PSPC1: variants seen among roughly 807,000 people sequenced by gnomAD.
The protein encoded by PSPC1 is paraspeckle protein 1.
In PSPC1, 14 loss-of-function variants were observed where a neutral mutation model predicts 51.6. The observed-to-expected ratio is 0.27, with a 90% CI of 0.18 to 0.42. The LOEUF (loss-of-function observed/expected upper bound fraction) is 0.42. Among genes scored for constraint, PSPC1 ranks in the 10% least tolerant of loss-of-function variants. The probability of loss-of-function intolerance (pLI) is 1.00; values close to 1 mark genes in which losing one functional copy is unlikely to be tolerated. For synonymous variants in PSPC1, 193 were observed against 231.9 expected (o/e 0.83, Z 1.53); for missense variants, 406 against 701.1 (o/e 0.58, Z 4.75).
chr13:19,742,459 C>T (rs1353488751), intron 4 of PSPC1, among the ~76,000 whole-genome samples: 1 of 151,634 alleles, frequency 6.6e-6, no homozygotes, highest in Non-Finnish European at 1.5e-5. Context: ...AAAATCAGGG[C>T]CAGGTGTGGT....
chr13:19,746,401 CTAAA>C (rs1885986606), intron 4 of PSPC1, among the ~76,000 whole-genome samples: 3 of 151,296 alleles, frequency 2.0e-5, no homozygotes, highest in Non-Finnish European at 1.5e-5. Context: ...GACTCCGTCT[CTAAA>C]TAAATAAATA....
intron 6 of PSPC1, among the ~76,000 whole-genome samples, chr13:19,687,217 T>C (rs1001199234): frequency 6.6e-6 from 1 of 150,548 alleles, no homozygotes; most frequent in African/African-American, 2.4e-5. Flanking sequence ...TTAAAATTAA[T>C]ATTAAAAAAT....
intron 5 of PSPC1, among the ~76,000 whole-genome samples, chr13:19,731,737 G>A (rs1884148453): frequency 6.6e-6 from 1 of 152,032 alleles, no homozygotes; most frequent in Non-Finnish European, 1.5e-5. Flanking sequence ...TAGCCAACAT[G>A]ATGTTTAAAA....
chr13:19,725,781 C>T (rs1883301772), intron 6 of PSPC1, among the ~76,000 whole-genome samples: 1 of 152,156 alleles, frequency 6.6e-6, no homozygotes, highest in Non-Finnish European at 1.5e-5. Context: ...CACATATAGT[C>T]TGAAAGCCCA....
rs116889727 is a variant in PSPC1, at chr13:19,687,858, C to T, written c.1159-10035G>A. Among the ~76,000 whole-genome samples, 688 of 152,066 alleles carry T rather than the reference C, an allele frequency of 4.5e-3. 5 individuals carry two copies. Among genetic ancestry groups the T allele is most frequent in the South Asian group, 0.026 (123 of 4,798 alleles). ...CATTCTCTTGCCAAAAATCTCCTAA[C>T]GATTTTTGGAGATTTTTTCAATGGG... On this transcript the variant is annotated intron_variant and NMD_transcript_variant, in intron 6 of 7. Transcript: ENST00000471658.
chr13:19,698,988 G>A (rs1420851549), downstream of PSPC1, among the ~76,000 whole-genome samples: 2 of 151,712 alleles, frequency 1.3e-5, no homozygotes, highest in Admixed American at 1.3e-4. Context: ...TTTCAACAAA[G>A]AGGAACCCTT....
chr13:19,777,303 G>A (rs756078917), intron 1 of PSPC1, among the ~76,000 whole-genome samples: 9 of 150,110 alleles, frequency 6.0e-5, no homozygotes, highest in South Asian at 2.1e-4. Context: ...GAAGGCGGGC[G>A]CCTGTAATTC....
intron 3 of PSPC1, among the ~76,000 whole-genome samples, chr13:19,756,658 C>T (rs191689369): frequency 6.6e-6 from 1 of 151,980 alleles, no homozygotes; most frequent in African/African-American, 2.4e-5. Context: ...TGCCACCACA[C>T]CCGGCTGATT....
intron 5 of PSPC1, among the ~76,000 whole-genome samples, chr13:19,732,070 C>G (rs1884184650): frequency 6.6e-6 from 1 of 152,054 alleles, no homozygotes; most frequent in African/African-American, 2.4e-5. Context: ...AATCTGAGTC[C>G]ACTAATTCAA....
intron 2 of PSPC1, among the ~76,000 whole-genome samples, chr13:19,764,065 C>A (rs1248354772): frequency 1.3e-5 from 2 of 152,046 alleles, no homozygotes; most frequent in East Asian, 3.9e-4. Flanking sequence ...TTTCAGTGTT[C>A]TTTCAGGCTT....
chr13:19,753,866 G>A (rs1401025244), intron 3 of PSPC1, among the ~76,000 whole-genome samples: 1 of 152,024 alleles, frequency 6.6e-6, no homozygotes, highest in African/African-American at 2.4e-5. Context: ...TTAAAGCACT[G>A]ACTGGAAAGT....
downstream of PSPC1, chr13:19,674,745 C>CA (rs1306361527): frequency 1.3e-5 from 2 of 152,170 alleles, no homozygotes; most frequent in South Asian, 2.1e-4. Flanking sequence ...CACAAAATGA[C>CA]AAAGGCTAAA....
chr13:19,680,239 T>C (rs1341574673), intron 6 of PSPC1, among the ~76,000 whole-genome samples: 1 of 152,194 alleles, frequency 6.6e-6, no homozygotes, highest in African/African-American at 2.4e-5. Flanking sequence ...GCTCTCGAAC[T>C]CCTGACCCCA....
intron 5 of PSPC1, among the ~76,000 whole-genome samples, chr13:19,736,629 G>A (rs1884857034): frequency 6.6e-6 from 1 of 152,110 alleles, no homozygotes; most frequent in South Asian, 2.1e-4. Context: ...CTTGCAGTGA[G>A]CCGAGATCGC....
intron 6 of PSPC1, among the ~76,000 whole-genome samples, chr13:19,728,220 C>G (rs1883592244): frequency 1.3e-5 from 2 of 151,916 alleles, no homozygotes; most frequent in Non-Finnish European, 2.9e-5. Flanking sequence ...ATATGTAAAT[C>G]AATATTTATT....
chr13:19,780,148 C>A (rs1593799034), intron 1 of PSPC1, among the ~76,000 whole-genome samples: 1 of 62,162 alleles, frequency 1.6e-5, no homozygotes, highest in Non-Finnish European at 4.4e-5. Context: ...GGGGGATCAG[C>A]CCCCCGCCCG....
intron 6 of PSPC1, among the ~76,000 whole-genome samples, chr13:19,719,577 C>T (rs9551988): frequency 0.12 from 18,188 of 152,192 alleles, 1,218 homozygotes; most frequent in Middle Eastern, 0.16. Context: ...AGTAGGGAAA[C>T]TTACTGTGTT....
intron 6 of PSPC1, among the ~76,000 whole-genome samples, chr13:19,715,888 C>A (rs968476902): frequency 6.6e-6 from 1 of 152,088 alleles, no homozygotes; most frequent in Non-Finnish European, 1.5e-5. Context: ...GTGGAGGGCA[C>A]CTGTAGTCCC....
chr13:19,699,527 T>C (rs1029666856), downstream of PSPC1: 1 of 152,034 alleles, frequency 6.6e-6, no homozygotes, highest in African/African-American at 2.4e-5. Context: ...TCCCAATTCA[T>C]TGAATTATAT....
Sources: gnomAD v4.1 joint callset for allele counts (sites outside exome capture counted in the v4.1 genomes callset) on GRCh38, gnomAD v4.1.1 for gene constraint, MANE v1.5 for transcripts, NCBI Gene and HGNC (gene_info 2026-07-23, HGNC 2026-07-21) for gene names.